The following RIPPLY2 variants were observed in gnomAD, a reference collection of about 807,000 sequenced individuals.
The protein encoded by RIPPLY2 is ripply transcriptional repressor 2.
A neutral mutation model predicts 17.7 loss-of-function variants in RIPPLY2; 20 were observed. The observed-to-expected ratio is 1.13, with a 90% CI of 0.79 to 1.64. The LOEUF is 1.64. RIPPLY2 is among the 40% of genes most tolerant of loss of function. The probability of loss-of-function intolerance (pLI) is 0.00; values close to 1 mark genes in which losing one functional copy is unlikely to be tolerated. For missense variants in RIPPLY2, 213 were observed against 169.8 expected (o/e 1.25, Z -1.41); for synonymous variants, 69 against 63.9 (o/e 1.08, Z -0.38).
intron 3 of RIPPLY2, 163 bp from the exon 4 acceptor site, chr6:83,857,079 C>G: frequency 2.5e-6 from 1 of 403,656 alleles, no homozygotes; most frequent in Non-Finnish European, 4.5e-6. Flanking sequence ...CAGGTAGATT[C>G]CATGAAGGCT....
chr6:83,857,241 G>T lies in RIPPLY2; in HGVS notation c.240-1G>T. 1 of 1,483,612 alleles carries T rather than the reference G, an allele frequency of 6.7e-7. No individual in the cohort carries two copies. Among genetic ancestry groups the T allele is most frequent in the South Asian group, 1.4e-5 (1 of 70,260 alleles). The allele number at this position is 1,483,612 out of a possible 1,614,324, so 91.9% of individuals were successfully genotyped here. On this transcript the variant is annotated splice_acceptor_variant, in intron 3 of 3. Transcript: ENST00000369689. LOFTEE classifies it high-confidence loss of function. ...TAAAACATGTTGTCTGCTTCTTTCAGACTATTTTGGCCAAAATCAAAATGT... is the reference window on the plus strand; with the variant it reads ...TAAAACATGTTGTCTGCTTCTTTCATACTATTTTGGCCAAAATCAAAATGT...
upstream of RIPPLY2, chr6:83,853,250 C>T (rs776076585): frequency 3.4e-6 from 2 of 593,012 alleles, no homozygotes; most frequent in Non-Finnish European, 2.9e-6. Context: ...CCTTCACGCG[C>T]AGCCTTTTTG....
intron 3 of RIPPLY2, chr6:83,856,626 G>C (rs2099455030): frequency 1.3e-5 from 2 of 152,106 alleles, no homozygotes; most frequent in Admixed American, 1.3e-4. Flanking sequence ...GAGAAGACAG[G>C]CACATAGAAT....
In RIPPLY2 at chr6:83,853,432, G is replaced by A; in HGVS notation, c.16G>A (p.Gly6Ser). ...CTGCGGCGTCATGGAGAACGCGGGA[G>A]GCGCAGAGGGTACAGAGAGTGGAGC... MENAG[G>S]AEGTESGAAA... is the part of the protein sequence containing the mutation. Residue 6 changes from glycine to serine, a missense_variant, in exon 1 of 4, where the codon GGC becomes AGC. Transcript: ENST00000369689. 1 of 1,543,650 alleles carries A rather than the reference G, an allele frequency of 6.5e-7. No individual in the cohort carries two copies. Among genetic ancestry groups the A allele is most frequent in the Non-Finnish European group, 8.7e-7 (1 of 1,146,446 alleles).
chr6:83,857,379 G>T lies in RIPPLY2; in HGVS notation c.377G>T (p.Cys126Phe). The T allele has an allele frequency of 6.4e-7, 1 of 1,572,704 alleles. No individual in the cohort carries two copies. Among genetic ancestry groups the T allele is most frequent in the South Asian group, 1.2e-5 (1 of 81,878 alleles). ...GAAGATGAAATTGAGGATCTGACCT[G>T]TGAAAATTAATCTGATTAGCTACTT... Reference protein sequence around the residue: ...DSEDEIEDLTCEN With the variant: ...DSEDEIEDLTFEN The change falls in exon 4 of 4, where the codon TGT (cysteine) becomes TTT (phenylalanine). Residue 126 changes from cysteine to phenylalanine, a missense_variant. Physicochemically the swap from Cys to Phe is radical, Grantham distance 205. Coordinates refer to ENST00000369689, the MANE Select transcript of RIPPLY2 (RefSeq NM_001009994.3).
Position 83,853,858 on chromosome 6 carries a change from A to T in RIPPLY2, c.174+85A>T, listed in dbSNP as rs1468691589. On this transcript the variant is annotated intron_variant, in intron 2 of 3. Transcript: ENST00000369689. ...TCTCGGGACGCAGGGCCTGAGAGAG[A>T]CATGCGAGACACCGGGTCCTGCCTC... is the stretch of plus-strand genomic sequence containing the variant. The T allele has an allele frequency of 4.1e-6, 5 of 1,231,554 alleles. No homozygotes were observed. The East Asian group carries it at 9.6e-5, about 24-fold the overall frequency. 76.3% of individuals were successfully genotyped at this position (1,231,554 alleles called of 1,614,324 possible).
chr6:83,853,362 C>A lies in RIPPLY2; in HGVS notation c.-55C>A. 1 of 1,449,184 alleles carries A rather than the reference C, an allele frequency of 6.9e-7. No individual in the cohort carries two copies. The highest frequency in any genetic ancestry group is 1.4e-5 in the African/African-American group (1 of 69,990). 89.8% of individuals were successfully genotyped at this position (1,449,184 alleles called of 1,614,324 possible). ...AGCTCGGGTCTCGGACCTACTGGAA[C>A]TGGTCAAGATTGCCCGCGAGCTGGC... On this transcript the variant is annotated 5_prime_UTR_variant, in exon 1 of 4. It adds an upstream start codon to the 5' untranslated region. Transcript: ENST00000369689.
At chr6:83,855,259 C>T (rs1457688599) in intron 3 of RIPPLY2, 1 of 152,044 alleles carries the variant, frequency 6.6e-6, no homozygotes, top group East Asian at 1.9e-4. Context: ...TGTTGGGAAC[C>T]CATGGGCTTT....
chr6:83,853,556 T>G, intron 1 of RIPPLY2, 45 bp downstream of exon 1: 1 of 1,536,054 alleles, frequency 6.5e-7, no homozygotes, highest in African/African-American at 1.4e-5. Context: ...TTCCCCCGTC[T>G]CTCCCTCCTG....
At position 83,857,428 on chromosome 6, in the gene RIPPLY2, G is replaced by T; in HGVS notation, c.*39G>T. The stretch of plus-strand genomic sequence containing the variant: ...TTTTGATTATATCCAAAGCTTGTGG[G>T]GTTTAAATTTAGTGTACAAATGTAT... On this transcript the variant is annotated 3_prime_UTR_variant, in exon 4 of 4. Transcript: ENST00000369689. The T allele has an allele frequency of 2.1e-6, 3 of 1,436,848 alleles. No individual in the cohort carries two copies. Among genetic ancestry groups the T allele is most frequent in the Non-Finnish European group, 2.8e-6 (3 of 1,074,170 alleles). The allele number at this position is 1,436,848 out of a possible 1,614,324, so 89.0% of individuals were successfully genotyped here.
chr6:83,853,292 G>A (rs2099454461), upstream of RIPPLY2: 3 of 698,948 alleles, frequency 4.3e-6, no homozygotes, highest in South Asian at 1.9e-5. Flanking sequence ...GGGGCGGAGA[G>A]GCAGCGAACC....
intron 3 of RIPPLY2, 47 bp downstream of exon 3, chr6:83,854,208 G>A: frequency 2.0e-6 from 3 of 1,486,716 alleles, no homozygotes; most frequent in Admixed American, 1.7e-5. Flanking sequence ...CCAGCCCCAG[G>A]GAGGAGCCAG....
intron 3 of RIPPLY2, 195 bp downstream of exon 3, chr6:83,854,356 GTTGATGAATACATACTCAGTGAAC>G (rs2129125005): frequency 1.7e-6 from 1 of 605,022 alleles, no homozygotes; most frequent in South Asian, 2.0e-5. Flanking sequence ...TAAAGGGACT[GTTGATGAATACATACTCAGTGAAC>G]TTGATGAATA....
In RIPPLY2 at chr6:83,854,190, C is replaced by G. The variant is rs770858891; in HGVS notation, c.239+29C>G. 1.9e-6 allele frequency: 3 copies of G among 1,595,060 alleles called. No homozygotes were observed. In the South Asian group the frequency reaches 3.3e-5, roughly 18 times the overall value. On this transcript the variant is annotated intron_variant, in intron 3 of 3. Transcript: ENST00000369689. Reference sequence around the variant, plus strand: ...AGTGACAGGCCTCGCCGAAGGTCTCCCGCTCCTCCAGCCCCAGGGAGGAGC... The same window carrying G: ...AGTGACAGGCCTCGCCGAAGGTCTCGCGCTCCTCCAGCCCCAGGGAGGAGC...
In RIPPLY2 at chr6:83,853,452, T is replaced by G; in HGVS notation, c.36T>G (p.Ser12Arg). ...CGGGAGGCGCAGAGGGTACAGAGAG[T>G]GGAGCTGCGGCGTGCGCGGCCACCG... Reference protein sequence around the residue: ...ENAGGAEGTESGAAACAATDG... With the variant: ...ENAGGAEGTERGAAACAATDG... Residue 12 changes from serine to arginine, a missense_variant, in exon 1 of 4, where the codon AGT (serine) becomes AGG (arginine). Coordinates refer to ENST00000369689, the MANE Select transcript of RIPPLY2 (RefSeq NM_001009994.3). The G allele has an allele frequency of 6.5e-7, 1 of 1,543,402 alleles. No individual in the cohort carries two copies. Among genetic ancestry groups the G allele is most frequent in the Non-Finnish European group, 8.7e-7 (1 of 1,146,418 alleles).
rs144753674 is a variant in RIPPLY2, at chr6:83,857,271, A to T, written c.269A>T (p.Asp90Val). The T allele has an allele frequency of 1.3e-6, 2 of 1,530,736 alleles. No individual in the cohort carries two copies. The highest frequency in any genetic ancestry group is 1.8e-6 in the Non-Finnish European group (2 of 1,142,624). The allele number at this position is 1,530,736 out of a possible 1,614,324, so 94.8% of individuals were successfully genotyped here. A position where few individuals can be genotyped will look rare whatever the true frequency, so the allele number is the denominator to read the frequency against. The part of the protein sequence containing the change: ...RLFWPKSKCY[D>V]YLYQEAEALL... Reference sequence around the variant, plus strand: ...TTTTGGCCAAAATCAAAATGTTATGATTACTTATATCAAGAAGCAGAAGCT... The same window carrying T: ...TTTTGGCCAAAATCAAAATGTTATGTTTACTTATATCAAGAAGCAGAAGCT... Residue 90 changes from aspartate (D) to valine (V), a missense_variant, in exon 4 of 4, where the codon GAT becomes GTT. Asp to Val is a radical substitution (Grantham distance 152). Coordinates refer to ENST00000369689, the MANE Select transcript of RIPPLY2 (RefSeq NM_001009994.3).
At chr6:83,853,565 T>G in intron 1 of RIPPLY2, 54 bp downstream of exon 1, 3 of 1,533,378 alleles carry the variant, frequency 2.0e-6, no homozygotes, top group Non-Finnish European at 2.6e-6. Flanking sequence ...CTCTCCCTCC[T>G]GCGCCTCCCC....
intron 2 of RIPPLY2, 80 bp from the exon 3 acceptor site, chr6:83,854,017 C>A (rs1396445727): frequency 7.3e-7 from 1 of 1,368,710 alleles, no homozygotes; most frequent in African/African-American, 1.4e-5. Context: ...CCAGCGGGCA[C>A]GAGGAACACT....
chr6:83,853,578 C>G, intron 1 of RIPPLY2, 67 bp downstream of exon 1: 1 of 1,533,378 alleles, frequency 6.5e-7, no homozygotes, highest in South Asian at 1.2e-5. Context: ...GCCTCCCCAG[C>G]TCCTCCCCTC....
Sources: allele counts gnomAD v4.1 joint callset, GRCh38; gene constraint gnomAD v4.1.1; transcripts MANE v1.5; gene names NCBI Gene and HGNC (gene_info 2026-07-23, HGNC 2026-07-21).